USF3: variants seen among roughly 807,000 people sequenced by gnomAD.
USF3 encodes upstream transcription factor family member 3.
A neutral mutation model predicts 157.5 loss-of-function variants in USF3; 29 were observed. That is an observed-to-expected ratio of 0.18 (90% CI 0.14 to 0.25). The LOEUF is 0.25. Ranked by LOEUF, USF3 falls within the 10% of genes least tolerant of loss-of-function variation. The pLI, the probability that USF3 is intolerant of heterozygous loss-of-function variation, is 1.00. For synonymous variants in USF3, 893 were observed against 941.4 expected (o/e 0.95, Z 0.94); for missense variants, 2,381 against 2,667.6 (o/e 0.89, Z 2.37).
At chr3:113,688,274 A>T (rs954279095) in intron 1 of USF3, among the ~76,000 whole-genome samples, 1 of 152,044 alleles carries the variant, frequency 6.6e-6, no homozygotes, top group Non-Finnish European at 1.5e-5. Flanking sequence ...ACTCGCCACC[A>T]CACCCGGCTA....
At chr3:113,683,109 C>T (rs9852137) in intron 1 of USF3, among the ~76,000 whole-genome samples, 2,728 of 151,660 alleles carry the variant, frequency 0.018, 87 homozygotes, top group African/African-American at 0.062. Flanking sequence ...ATACATGTTG[C>T]GTATTTATTG....
At chr3:113,672,204 C>T (rs1424389896) in intron 4 of USF3, among the ~76,000 whole-genome samples, 2 of 150,020 alleles carry the variant, frequency 1.3e-5, no homozygotes, top group African/African-American at 4.9e-5. Context: ...TGCAATGGCA[C>T]GATCTCGCTT....
rs761272549 is a variant in USF3 at position 113,656,863 on chromosome 3, C to A, written c.4819G>T (p.Val1607Phe). 6.2e-7 allele frequency: 1 copy of A among 1,614,238 alleles called. No individual in the cohort carries two copies. Among genetic ancestry groups the A allele is most frequent in the Non-Finnish European group, 8.5e-7 (1 of 1,180,044 alleles). Residue 1607 changes from valine (V) to phenylalanine (F), a missense_variant, in exon 7 of 7, where the codon GTT (valine) becomes TTT (phenylalanine). Transcript: ENST00000316407. ...NQDIMHQQQD[V>F]GSRQQGSGVS... Reference sequence around the variant, plus strand: ...CCTGAACCTTGCTGTCTGCTTCCAACATCCTGCTGTTGGTGCATAATATCT... The same window carrying A: ...CCTGAACCTTGCTGTCTGCTTCCAAAATCCTGCTGTTGGTGCATAATATCT...
chr3:113,649,823 T>TC lies in USF3; in HGVS notation c.*5120dup, dbSNP rs1288061174. The TC allele has an allele frequency of 1.4e-6, 1 of 702,578 alleles. No individual in the cohort carries two copies. Among genetic ancestry groups the TC allele is most frequent in the Non-Finnish European group, 2.6e-6 (1 of 384,866 alleles). 43.5% of individuals were successfully genotyped at this position (702,578 alleles called of 1,614,324 possible). ...GGACTGACTCAATCTAAATTTGGTG[T>TC]CCCCCCTCCACAGGTTCTAGTAGAA... On this transcript the variant is annotated 3_prime_UTR_variant, in exon 7 of 7. Coordinates refer to ENST00000316407, the MANE Select transcript of USF3 (RefSeq NM_001009899.4).
chr3:113,659,715 A>G lies in USF3; in HGVS notation c.1967T>C (p.Met656Thr), dbSNP rs779167484. 3 of 1,614,256 alleles carry G rather than the reference A, an allele frequency of 1.9e-6. No individual in the cohort carries two copies. In the South Asian group the frequency reaches 3.3e-5, roughly 18 times the overall value. ...AATGGTTTGAGGCTGTTGGTTTGAC[A>G]TGGTAACAGAAAAAGTTTGTGTTGA... ...SNSTQTFSVT[M>T]SNQQPQTISL... The change falls in exon 7 of 7, where the codon ATG (methionine) becomes ACG (threonine). Residue 656 changes from methionine to threonine, a missense_variant. By Grantham distance (81) the Met-to-Thr change is moderately conservative (BLOSUM62 -1). Around this residue, in one of 6 missense-constraint regions of USF3, gnomAD observed 1,435 missense variants for 1,550.9 expected, o/e 0.93. Coordinates refer to ENST00000316407, the MANE Select transcript of USF3 (RefSeq NM_001009899.4).
At chr3:113,676,897 T>A (rs1343880622) in intron 2 of USF3, among the ~76,000 whole-genome samples, 1 of 152,236 alleles carries the variant, frequency 6.6e-6, no homozygotes, top group Non-Finnish European at 1.5e-5. Context: ...ATTATTGGAT[T>A]GTTCCGAGCA....
Position 113,661,438 on chromosome 3 carries a change from A to G in USF3, c.257-13T>C. 1.4e-6 allele frequency: 2 copies of G among 1,458,050 alleles called. No individual in the cohort carries two copies. Among genetic ancestry groups the G allele is most frequent in the South Asian group, 1.3e-5 (1 of 74,446 alleles). The allele number at this position is 1,458,050 out of a possible 1,614,324, so 90.3% of individuals were successfully genotyped here. A position where few individuals can be genotyped will look rare whatever the true frequency, so the allele number is the denominator to read the frequency against. ...TTTATTTCTTCAGCTATAATATTAAAAACAAAAATTTATAAATACCTGAGA... is the reference window on the plus strand; with the variant it reads ...TTTATTTCTTCAGCTATAATATTAAGAACAAAAATTTATAAATACCTGAGA... On this transcript the variant is annotated splice_polypyrimidine_tract_variant and intron_variant, in intron 6 of 6. Coordinates refer to ENST00000316407, the MANE Select transcript of USF3 (RefSeq NM_001009899.4).
At chr3:113,673,638 G>A (rs968248701) in intron 3 of USF3, among the ~76,000 whole-genome samples, 3 of 152,140 alleles carry the variant, frequency 2.0e-5, no homozygotes, top group African/African-American at 7.2e-5. Flanking sequence ...GTCATAGGTG[G>A]GGAAATGAAT....
At chr3:113,683,435 A>G (rs966045529) in intron 1 of USF3, among the ~76,000 whole-genome samples, 1 of 151,386 alleles carries the variant, frequency 6.6e-6, no homozygotes, top group Non-Finnish European at 1.5e-5. Context: ...CATCAAATAC[A>G]AAACTCTACA....
chr3:113,649,801 C>A lies in USF3; in HGVS notation c.*5143G>T, dbSNP rs1332150513. 11 of 702,696 alleles carry A rather than the reference C, an allele frequency of 1.6e-5. No individual in the cohort carries two copies. Among genetic ancestry groups the A allele is most frequent in the Non-Finnish European group, 2.6e-5 (10 of 384,882 alleles). The allele number at this position is 702,696 out of a possible 1,614,324, so 43.5% of individuals were successfully genotyped here. A position where few individuals can be genotyped will look rare whatever the true frequency, so the allele number is the denominator to read the frequency against. On this transcript the variant is annotated 3_prime_UTR_variant, in exon 7 of 7. Transcript: ENST00000316407. ...TCCTCACGCTTCTTATCAGCATGGA[C>A]TGACTCAATCTAAATTTGGTGTCCC...
chr3:113,691,501 T>G (rs1008645974), intron 1 of USF3, among the ~76,000 whole-genome samples: 2 of 152,194 alleles, frequency 1.3e-5, no homozygotes, highest in Non-Finnish European at 2.9e-5. Flanking sequence ...CTGCCTTTCC[T>G]TCGGAGATCT....
At chr3:113,686,504 G>C (rs1158261211) in intron 1 of USF3, among the ~76,000 whole-genome samples, 2 of 152,140 alleles carry the variant, frequency 1.3e-5, no homozygotes, top group Admixed American at 1.3e-4. Context: ...TGAGCAAACT[G>C]GTCTCAAACT....
intron 2 of USF3, among the ~76,000 whole-genome samples, chr3:113,675,580 TTAAG>T (rs1193754095): frequency 6.6e-6 from 1 of 152,184 alleles, no homozygotes; most frequent in Non-Finnish European, 1.5e-5. Flanking sequence ...TTAATCATAG[TTAAG>T]TAAGGGTAGT....
rs1377422674 is a variant in USF3, at chr3:113,670,221, C to A, written c.77-18G>T. ...CCTCTCCACTAGATGGGAGAAAATT[C>A]GTTTATCAAACCTTACACTACTTAG... On this transcript the variant is annotated intron_variant, in intron 4 of 6. Transcript: ENST00000316407. 6.7e-7 allele frequency: 1 copy of A among 1,501,424 alleles called. No individual in the cohort carries two copies. Among genetic ancestry groups the A allele is most frequent in the Non-Finnish European group, 9.3e-7 (1 of 1,077,250 alleles). The allele number at this position is 1,501,424 out of a possible 1,614,324, so 93.0% of individuals were successfully genotyped here. A position where few individuals can be genotyped will look rare whatever the true frequency, so the allele number is the denominator to read the frequency against.
Position 113,658,232 on chromosome 3 carries a change from T to C in USF3, c.3450A>G (p.Arg1150=). 6.2e-7 allele frequency: 1 copy of C among 1,614,060 alleles called. No individual in the cohort carries two copies. The highest frequency in any genetic ancestry group is 8.5e-7 in the Non-Finnish European group (1 of 1,179,982). ...IFDQENLEKG[R]VGLQADIREV... is the part of the protein sequence containing the mutation. ...CCCTTATATCAGCCTGGAGGCCAAC[T>C]CTCCCCTTCTCAAGGTTCTCCTGGT... Residue 1150 remains arginine (R), a synonymous_variant, in exon 7 of 7, where the codon AGA becomes AGG. Transcript: ENST00000316407.
At position 113,657,029 on chromosome 3, in the gene USF3, C is replaced by A. The variant is rs1030225793; in HGVS notation, c.4653G>T (p.Lys1551Asn). The change falls in exon 7 of 7, where the codon AAG becomes AAT. Residue 1551 changes from lysine (K) to asparagine (N), a missense_variant. Around this residue, in one of 6 missense-constraint regions of USF3, gnomAD observed 770 missense variants for 824.2 expected, o/e 0.93. Coordinates refer to ENST00000316407, the MANE Select transcript of USF3 (RefSeq NM_001009899.4). ...GATGGTGGGGATGTGGCTGGCCAGT[C>A]TTGGATCGGGATTGGTCAGTTCCAT... ...KHHGTDQSRS[K>N]TGQPHPHHQQ... is the part of the protein sequence containing the mutation. 14 of 1,613,964 alleles carry A rather than the reference C, an allele frequency of 8.7e-6. No individual in the cohort carries two copies. The African/African-American group carries it at 1.3e-4, about 15-fold the overall frequency.
At chr3:113,670,428 A>G (rs1239698724) in intron 4 of USF3, among the ~76,000 whole-genome samples, 1 of 152,106 alleles carries the variant, frequency 6.6e-6, no homozygotes, top group African/African-American at 2.4e-5. Context: ...GCAAAACCCC[A>G]TCTCTACTAA....
In USF3 at chr3:113,650,091, G is replaced by T. The variant is rs754809510; in HGVS notation, c.*4853C>A. 14 of 523,346 alleles carry T rather than the reference G, an allele frequency of 2.7e-5. No homozygotes were observed. The highest frequency in any genetic ancestry group is 4.4e-5 in the Non-Finnish European group (13 of 296,312). The allele number at this position is 523,346 out of a possible 1,614,324, so 32.4% of individuals were successfully genotyped here. ...CCTCTGGATGTACACAGCCACAGGCGCACTACCTCCAGGCAAAGGTAGCAT... is the reference window on the plus strand; with the variant it reads ...CCTCTGGATGTACACAGCCACAGGCTCACTACCTCCAGGCAAAGGTAGCAT... On this transcript the variant is annotated 3_prime_UTR_variant, in exon 7 of 7. Transcript: ENST00000316407.
At chr3:113,676,313 A>T (rs914588916) in intron 2 of USF3, among the ~76,000 whole-genome samples, 3 of 152,194 alleles carry the variant, frequency 2.0e-5, no homozygotes, top group African/African-American at 7.2e-5. Flanking sequence ...AATGCTCAAG[A>T]CTAGGTAATT....
Sources: allele counts gnomAD v4.1 joint callset (sites outside exome capture counted in the v4.1 genomes callset), GRCh38; gene constraint gnomAD v4.1.1; regional missense constraint gnomAD v4.1.1; transcripts MANE v1.5; gene names NCBI Gene and HGNC (gene_info 2026-07-23, HGNC 2026-07-21).